DCAF17: variants seen among roughly 807,000 people sequenced by gnomAD.
DCAF17 encodes DDB1 and CUL4 associated factor 17.
DCAF17 carries 48 observed loss-of-function variants against 66.0 expected under a neutral mutation model. That is an observed-to-expected ratio of 0.73 (90% confidence interval 0.58 to 0.92). The LOEUF (loss-of-function observed/expected upper bound fraction) is 0.92, where lower values mean the gene tolerates loss of function less well. Ranked by LOEUF, DCAF17 falls within the 40% of genes least tolerant of loss-of-function variation. DCAF17 has a pLI of 0.00. For synonymous variants in DCAF17, 206 were observed against 214.6 expected (o/e 0.96, Z 0.35); for missense variants, 562 against 622.8 (o/e 0.90, Z 1.04).
chr2:171,466,400 C>CT (rs1197828683), intron 8 of DCAF17, among the ~76,000 whole-genome samples: 2 of 152,008 alleles, frequency 1.3e-5, no homozygotes, highest in African/African-American at 4.8e-5. Flanking sequence ...TTTAAGGCCC[C>CT]TTTTTTTCAC....
intron 2 of DCAF17, among the ~76,000 whole-genome samples, chr2:171,438,914 A>G (rs898539664): frequency 6.6e-6 from 1 of 151,916 alleles, no homozygotes; most frequent in Non-Finnish European, 1.5e-5. Flanking sequence ...TTTTTTAGAG[A>G]TAGGGGTCTC....
intron 8 of DCAF17, among the ~76,000 whole-genome samples, chr2:171,462,199 G>C (rs751199219): frequency 2.7e-4 from 41 of 151,988 alleles, no homozygotes; most frequent in Non-Finnish European, 5.3e-4. Context: ...AAAACCCAAA[G>C]CCATAAAAGA....
At chr2:171,450,922 G>A (rs1465670519) in intron 5 of DCAF17, among the ~76,000 whole-genome samples, 1 of 151,824 alleles carries the variant, frequency 6.6e-6, no homozygotes, top group Non-Finnish European at 1.5e-5. Flanking sequence ...TGGTAACCTT[G>A]GCTCAAACTC....
chr2:171,469,948 G>A (rs1696146862), intron 9 of DCAF17, among the ~76,000 whole-genome samples: 1 of 152,086 alleles, frequency 6.6e-6, no homozygotes, highest in Admixed American at 6.5e-5. Flanking sequence ...TAGCACTATA[G>A]AAAAATCACT....
chr2:171,483,117 G>C lies in DCAF17; in HGVS notation c.*2003G>C, dbSNP rs1293775275. 2.2e-6 allele frequency: 1 copy of C among 454,100 alleles called. No individual in the cohort carries two copies. Among genetic ancestry groups the C allele is most frequent in the Non-Finnish European group, 4.4e-6 (1 of 226,786 alleles). The allele number at this position is 454,100 out of a possible 1,614,324, so 28.1% of individuals were successfully genotyped here. A position where few individuals can be genotyped will look rare whatever the true frequency, so the allele number is the denominator to read the frequency against. On this transcript the variant is annotated 3_prime_UTR_variant, in exon 14 of 14. Coordinates refer to ENST00000375255, the MANE Select transcript of DCAF17 (RefSeq NM_025000.4). ...GCCAGAAGATACAGAAGATAGCAAA[G>C]AATGTGGGGAATTTGGATACCACAC...
At chr2:171,461,639 TG>T (rs1695591901) in intron 8 of DCAF17, among the ~76,000 whole-genome samples, 1 of 152,184 alleles carries the variant, frequency 6.6e-6, no homozygotes, top group African/African-American at 2.4e-5. Flanking sequence ...ATAACTCACT[TG>T]TTAAGAAATC....
chr2:171,482,372 T>TCCAGTTTTTTC lies in DCAF17; in HGVS notation c.*1259_*1260insCAGTTTTTTCC. The TCCAGTTTTTTC allele has an allele frequency of 2.2e-6, 1 of 453,478 alleles. No homozygotes were observed. The highest frequency in any genetic ancestry group is 1.6e-5 in the South Asian group (1 of 64,316). The allele number at this position is 453,478 out of a possible 1,614,324, so 28.1% of individuals were successfully genotyped here. On this transcript the variant is annotated 3_prime_UTR_variant, in exon 14 of 14. Transcript: ENST00000375255. ...TATTAAAATCTTTCCATTTTTTTTTTCAGTTTTGGCTTGATGCCATGTTAA... is the reference window on the plus strand; with the variant it reads ...TATTAAAATCTTTCCATTTTTTTTTTCCAGTTTTTTCCAGTTTTGGCTTGATGCCATGTTAA...
chr2:171,477,098 G>A, intron 11 of DCAF17, 148 bp downstream of exon 11: 3 of 643,780 alleles, frequency 4.7e-6, no homozygotes, highest in Non-Finnish European at 8.3e-6. Context: ...TGGGTAGCCA[G>A]TTTTAGCCCC....
chr2:171,441,298 T>C (rs1189060007), intron 2 of DCAF17, among the ~76,000 whole-genome samples: 1 of 152,232 alleles, frequency 6.6e-6, no homozygotes, highest in Non-Finnish European at 1.5e-5. Flanking sequence ...GTCAATGCCA[T>C]GCTTCTCTCT....
rs1260123277 is a variant in DCAF17, at chr2:171,484,703, G to A, written c.*3589G>A. 4.4e-6 allele frequency: 2 copies of A among 453,832 alleles called. No individual in the cohort carries two copies. The highest frequency in any genetic ancestry group is 8.8e-6 in the Non-Finnish European group (2 of 226,774). 28.1% of individuals were successfully genotyped at this position (453,832 alleles called of 1,614,324 possible). Reference sequence around the variant, plus strand: ...AACCCTTTCCAAAATTTAGACCATTGCAATCATCTTCAGAAAGTTTCCTAA... The same window carrying A: ...AACCCTTTCCAAAATTTAGACCATTACAATCATCTTCAGAAAGTTTCCTAA... On this transcript the variant is annotated 3_prime_UTR_variant, in exon 14 of 14. Transcript: ENST00000375255.
intron 3 of DCAF17, among the ~76,000 whole-genome samples, chr2:171,447,696 C>T (rs1010540158): frequency 2.6e-5 from 4 of 152,160 alleles, no homozygotes; most frequent in African/African-American, 7.2e-5. Flanking sequence ...GAAACAGAGT[C>T]TTGCTGTGTT....
At chr2:171,434,842 A>C in intron 1 of DCAF17, 139 bp downstream of exon 1, 1 of 1,323,008 alleles carries the variant, frequency 7.6e-7, no homozygotes, top group African/African-American at 1.5e-5. Context: ...CAAGCCCGGA[A>C]TCTGGGATAG....
At chr2:171,449,372 A>G (rs531722372) in intron 4 of DCAF17, among the ~76,000 whole-genome samples, 1 of 152,382 alleles carries the variant, frequency 6.6e-6, no homozygotes, top group South Asian at 2.1e-4. Flanking sequence ...CTTAAAAAAA[A>G]AAATTCCCTG....
At chr2:171,455,450 A>AGT (rs1288507056) in intron 6 of DCAF17, among the ~76,000 whole-genome samples, 2 of 152,212 alleles carry the variant, frequency 1.3e-5, no homozygotes, top group Admixed American at 6.5e-5. Flanking sequence ...TCTTGTGAAC[A>AGT]GTGCTGCAGT....
At chr2:171,435,739 CT>C (rs1693866459) in intron 2 of DCAF17, among the ~76,000 whole-genome samples, 1 of 152,148 alleles carries the variant, frequency 6.6e-6, no homozygotes, top group Non-Finnish European at 1.5e-5. Context: ...ATCTAACCCA[CT>C]TTTCCTTTTG....
chr2:171,470,131 C>T (rs1248768946), intron 9 of DCAF17, among the ~76,000 whole-genome samples: 2 of 152,186 alleles, frequency 1.3e-5, no homozygotes, highest in Non-Finnish European at 1.5e-5. Flanking sequence ...TCAAGTGATC[C>T]TCCCACCTCA....
At chr2:171,439,820 C>T (rs1185607228) in intron 2 of DCAF17, among the ~76,000 whole-genome samples, 2 of 151,906 alleles carry the variant, frequency 1.3e-5, no homozygotes, top group Non-Finnish European at 2.9e-5. Flanking sequence ...CCCAGCTACT[C>T]CAGAGGCCAA....
At chr2:171,448,105 G>A (rs1310067325) in intron 3 of DCAF17, among the ~76,000 whole-genome samples, 1 of 152,220 alleles carries the variant, frequency 6.6e-6, no homozygotes, top group East Asian at 1.9e-4. Flanking sequence ...AAAGGAAAAA[G>A]GGGGCAATAT....
chr2:171,468,744 G>T (rs1330785259), intron 8 of DCAF17, 144 bp from the exon 9 acceptor site: 4 of 1,132,342 alleles, frequency 3.5e-6, no homozygotes, highest in Non-Finnish European at 5.2e-6. Context: ...TTACCTGATT[G>T]TATTTTATTT....
Sources: gnomAD v4.1 joint callset for allele counts (sites outside exome capture counted in the v4.1 genomes callset) on GRCh38, gnomAD v4.1.1 for gene constraint, MANE v1.5 for transcripts, NCBI Gene and HGNC (gene_info 2026-07-23, HGNC 2026-07-21) for gene names.